The following AGAP1 variants were observed in gnomAD, a reference collection of about 807,000 sequenced individuals.
The protein encoded by AGAP1 is ArfGAP with GTPase domain, ankyrin repeat and PH domain 1.
A neutral mutation model predicts 105.3 loss-of-function variants in AGAP1; 29 were observed. That is an observed-to-expected ratio of 0.28 (90% CI 0.21 to 0.38). AGAP1 has a LOEUF of 0.38. AGAP1 is among the 10% of genes least tolerant of loss of function. AGAP1 has a pLI of 1.00. For missense variants in AGAP1, 998 were observed against 1,165.1 expected (o/e 0.86, Z 2.09); for synonymous variants, 509 against 485.9 (o/e 1.05, Z -0.63).
chr2:235,848,495 C>T (rs1961778112), intron 9 of AGAP1, among the ~76,000 whole-genome samples: 1 of 152,166 alleles, frequency 6.6e-6, no homozygotes, highest in African/African-American at 2.4e-5. Flanking sequence ...ATTGTCTCAA[C>T]AAAGATTTGG....
Position 235,538,965 on chromosome 2 carries a change from G to A in AGAP1, c.163+44116G>A, listed in dbSNP as rs111732506. Among the ~76,000 whole-genome samples, 1,209 of 152,190 alleles carry A rather than the reference G, an allele frequency of 7.9e-3. 16 individuals are homozygous for A. The highest frequency in any genetic ancestry group is 0.027 in the African/African-American group (1,125 of 41,534). ...TAGTGGGAGGCAGAAGGAAAAACTC[G>A]GTCATGTTTCACTCACTCCTTTCTT... On this transcript the variant is annotated intron_variant, in intron 1 of 17. Coordinates refer to ENST00000304032, the MANE Select transcript of AGAP1 (RefSeq NM_001037131.3).
intron 13 of AGAP1, among the ~76,000 whole-genome samples, chr2:236,023,941 A>G (rs7570550): frequency 0.12 from 18,507 of 151,546 alleles, 1,464 homozygotes; most frequent in African/African-American, 0.23. Context: ...TGACTTCTGC[A>G]TCCTCCTTGA....
At position 235,701,645 on chromosome 2, in the gene AGAP1, A is replaced by G. The variant is rs942661425; in HGVS notation, c.164-7534A>G. On this transcript the variant is annotated intron_variant, in intron 1 of 17. Coordinates refer to ENST00000304032, the MANE Select transcript of AGAP1 (RefSeq NM_001037131.3). This position sits in a 1 kb window ranked among gnomAD's most constrained non-coding sequence, Gnocchi z 4.1. ...GGGATTCAAGGATTTCCAAATAAGA[A>G]ATTAAATCCTACCATTGAAACTGTG... Among the ~76,000 whole-genome samples, 1 of 152,204 alleles carries G rather than the reference A, an allele frequency of 6.6e-6. No individual in the cohort carries two copies. Among genetic ancestry groups the G allele is most frequent in the Admixed American group, 6.5e-5 (1 of 15,276 alleles).
At chr2:236,008,547 A>G (rs982281585) in intron 13 of AGAP1, among the ~76,000 whole-genome samples, 1 of 152,340 alleles carries the variant, frequency 6.6e-6, no homozygotes. Flanking sequence ...TGAAATACCC[A>G]GTGGATTTGG....
At chr2:236,010,125 AAAAAC>A (rs2056460006) in intron 13 of AGAP1, among the ~76,000 whole-genome samples, 1 of 152,168 alleles carries the variant, frequency 6.6e-6, no homozygotes, top group South Asian at 2.1e-4. Flanking sequence ...TAAAAAAAAA[AAAAAC>A]AAAAAACTTT....
At chr2:235,923,577 T>C (rs956646009) in intron 11 of AGAP1, among the ~76,000 whole-genome samples, 1 of 143,708 alleles carries the variant, frequency 7.0e-6, no homozygotes, top group Non-Finnish European at 1.5e-5. Flanking sequence ...TAGATGGGTT[T>C]CGCCTGTCCT....
chr2:235,880,075 A>C (rs1005680196), intron 9 of AGAP1, among the ~76,000 whole-genome samples: 1 of 142,370 alleles, frequency 7.0e-6, no homozygotes, highest in African/African-American at 2.6e-5. Flanking sequence ...GCATCACTGC[A>C]CTCTGGCCTT....
Position 235,610,539 on chromosome 2 carries a change from A to G in AGAP1, c.164-98640A>G, listed in dbSNP as rs1185393137. ...CTCTTTTTCTAAGGGTGCTAATTCCATCATGAGGGCCCCATCCTTATGACC... is the reference window on the plus strand; with the variant it reads ...CTCTTTTTCTAAGGGTGCTAATTCCGTCATGAGGGCCCCATCCTTATGACC... On this transcript the variant is annotated intron_variant, in intron 1 of 17. Coordinates refer to ENST00000304032, the MANE Select transcript of AGAP1 (RefSeq NM_001037131.3). The surrounding 1 kb of genome is among the most constrained non-coding windows in gnomAD (Gnocchi z 4.9). 6.6e-6 allele frequency among the ~76,000 whole-genome samples: 1 copy of G among 152,106 alleles called. No homozygotes were observed. Among genetic ancestry groups the G allele is most frequent in the East Asian group, 1.9e-4 (1 of 5,188 alleles).
intron 6 of AGAP1, among the ~76,000 whole-genome samples, chr2:235,760,670 C>T (rs962921782): frequency 1.3e-5 from 2 of 152,200 alleles, no homozygotes; most frequent in Admixed American, 6.5e-5. Context: ...ACTGCAGTTT[C>T]AGACTCTTGG....
intron 9 of AGAP1, among the ~76,000 whole-genome samples, chr2:235,846,803 T>C (rs1961549313): frequency 6.6e-6 from 1 of 152,126 alleles, no homozygotes; most frequent in Admixed American, 6.5e-5. Context: ...TGCCTGGCTT[T>C]TTTTGTAGAG....
intron 11 of AGAP1, among the ~76,000 whole-genome samples, chr2:235,929,701 G>A (rs754627398): frequency 1.6e-4 from 25 of 151,792 alleles, no homozygotes; most frequent in African/African-American, 1.9e-4. Context: ...CCATATCACC[G>A]GAGTGCTTTT....
At position 236,005,203 on chromosome 2, in the gene AGAP1, A is replaced by G. The variant is rs537733624; in HGVS notation, c.1646-31358A>G. Among the ~76,000 whole-genome samples, 36 of 152,148 alleles carry G rather than the reference A, an allele frequency of 2.4e-4. No individual in the cohort carries two copies. The South Asian group carries it at 6.8e-3, about 29-fold the overall frequency. On this transcript the variant is annotated intron_variant, in intron 13 of 17. Coordinates refer to ENST00000304032, the MANE Select transcript of AGAP1 (RefSeq NM_001037131.3). This position sits in a 1 kb window ranked among gnomAD's most constrained non-coding sequence, Gnocchi z 4.1. ...ACTCTGTCACCCAGGCTGGAGTGCA[A>G]TGGTGCAATCTTGGCTCTTGCAACC...
rs1013685035 is a variant in AGAP1 at position 236,128,078 on chromosome 2, C to CCG, written c.*3957_*3958insGC. ...GCTGTGATGGGCACGTTTGCCAACCCCCCCCCCCCAGTAGAGCCCAGGACC... is the reference window on the plus strand; with the variant it reads ...GCTGTGATGGGCACGTTTGCCAACCCCGCCCCCCCCCAGTAGAGCCCAGGACC... On this transcript the variant is annotated 3_prime_UTR_variant, in exon 18 of 18. Transcript: ENST00000304032. This position sits in a 1 kb window ranked among gnomAD's most constrained non-coding sequence, Gnocchi z 5.9. 1 of 150,104 alleles carries CCG rather than the reference C, an allele frequency of 6.7e-6. No homozygotes were observed. The highest frequency in any genetic ancestry group is 2.4e-5 in the African/African-American group (1 of 41,128). 9.3% of individuals were successfully genotyped at this position (150,104 alleles called of 1,614,324 possible).
intron 1 of AGAP1, among the ~76,000 whole-genome samples, chr2:235,579,056 A>C (rs1944835354): frequency 6.6e-6 from 1 of 152,236 alleles, no homozygotes; most frequent in African/African-American, 2.4e-5. Flanking sequence ...TCTTGGAAAG[A>C]AAACCAGGAA....
chr2:235,509,169 C>T (rs1941961152), intron 1 of AGAP1, among the ~76,000 whole-genome samples: 1 of 152,158 alleles, frequency 6.6e-6, no homozygotes, highest in Non-Finnish European at 1.5e-5. Flanking sequence ...AGTTGGAATG[C>T]TTTTTCTACA....
chr2:235,896,826 A>G (rs1428921028), intron 10 of AGAP1, among the ~76,000 whole-genome samples: 1 of 152,262 alleles, frequency 6.6e-6, no homozygotes, highest in African/African-American at 2.4e-5. Flanking sequence ...AATGGAGCCT[A>G]CTAAAAACTC....
Position 235,931,917 on chromosome 2 carries a change from G to A in AGAP1, c.1483+994G>A, listed in dbSNP as rs2052741158. Among the ~76,000 whole-genome samples the A allele has an allele frequency of 6.6e-6, 1 of 152,120 alleles. No individual in the cohort carries two copies. Among genetic ancestry groups the A allele is most frequent in the African/African-American group, 2.4e-5 (1 of 41,404 alleles). ...TTGTGACTTGGAGCAGACACACACAGCGTCACGCGGCTGCCCCGGCTGGCC... is the reference window on the plus strand; with the variant it reads ...TTGTGACTTGGAGCAGACACACACAACGTCACGCGGCTGCCCCGGCTGGCC... On this transcript the variant is annotated intron_variant, in intron 12 of 17. Coordinates refer to ENST00000304032, the MANE Select transcript of AGAP1 (RefSeq NM_001037131.3). This position sits in a 1 kb window ranked among gnomAD's most constrained non-coding sequence, Gnocchi z 5.6.
Position 236,105,514 on chromosome 2 carries a change from C to T in AGAP1, c.2115-14678C>T, listed in dbSNP as rs1272799184. On this transcript the variant is annotated intron_variant, in intron 16 of 17. Coordinates refer to ENST00000304032, the MANE Select transcript of AGAP1 (RefSeq NM_001037131.3). The surrounding 1 kb of genome is among the most constrained non-coding windows in gnomAD (Gnocchi z 4.2). ...AGACAGATGCCTCTTGCAGTGTCCT[C>T]ATGTGGAGGAGAGAGGAGAGGGGCA... Among the ~76,000 whole-genome samples, 1 of 149,574 alleles carries T rather than the reference C, an allele frequency of 6.7e-6. No individual in the cohort carries two copies. The highest frequency in any genetic ancestry group is 1.5e-5 in the Non-Finnish European group (1 of 67,716).
chr2:235,514,686 C>T (rs1229779030), intron 1 of AGAP1, among the ~76,000 whole-genome samples: 1 of 152,288 alleles, frequency 6.6e-6, no homozygotes, highest in East Asian at 1.9e-4. Flanking sequence ...GGCCTGCCAC[C>T]TGGTGGCCTG....
Sources: gnomAD v4.1 joint callset for allele counts (sites outside exome capture counted in the v4.1 genomes callset) on GRCh38, gnomAD v4.1.1 for gene constraint, Gnocchi (gnomAD v3.1) non-coding constraint, MANE v1.5 for transcripts, NCBI Gene and HGNC (gene_info 2026-07-23, HGNC 2026-07-21) for gene names.